The following RAD54B variants were observed in gnomAD, a reference collection of about 807,000 sequenced individuals.
RAD54B encodes the protein DNA repair and recombination protein RAD54B.
A neutral mutation model predicts 95.8 loss-of-function variants in RAD54B; 78 were observed. That is an observed-to-expected ratio of 0.81 (90% CI 0.68 to 0.98). RAD54B has a LOEUF of 0.98. Among genes scored for constraint, RAD54B ranks in the 50% least tolerant of loss-of-function variants. The probability of loss-of-function intolerance (pLI) is 0.00; values close to 1 mark genes in which losing one functional copy is unlikely to be tolerated. For synonymous variants in RAD54B, 328 were observed against 354.9 expected, an observed-to-expected ratio of 0.92 and a Z score of 0.85; for missense variants, 957 against 1,056.6, an observed-to-expected ratio of 0.91 and a Z score of 1.31.
Position 94,393,838 on chromosome 8 carries a change from C to T in RAD54B, c.1423G>A (p.Asp475Asn). 1 of 1,600,646 alleles carries T rather than the reference C, an allele frequency of 6.2e-7. No homozygotes were observed. The highest frequency in any genetic ancestry group is 2.2e-5 in the East Asian group (1 of 44,654). Residue 475 changes from aspartate to asparagine, a missense_variant, in exon 9 of 15, where the codon GAT (aspartate) becomes AAT (asparagine). Physicochemically the swap from Asp to Asn is conservative, Grantham distance 23. Coordinates refer to ENST00000336148, the MANE Select transcript of RAD54B (RefSeq NM_012415.3). ...NDLQEFFALIDFVNPGILGSL... is the reference protein window; with the variant it reads ...NDLQEFFALINFVNPGILGSL... Reference sequence around the variant, plus strand: ...CCTAATATTCCTGGATTTACAAAATCAATTAATGCAAAAAATTCTTGCAGA... The same window carrying T: ...CCTAATATTCCTGGATTTACAAAATTAATTAATGCAAAAAATTCTTGCAGA...
chr8:94,429,147 A>T, intron 3 of RAD54B: 1 of 974,138 alleles, frequency 1.0e-6, no homozygotes, highest in African/African-American at 1.8e-5. Flanking sequence ...GTGTTTAAAA[A>T]TATGTAAAAA....
intron 8 of RAD54B, among the ~76,000 whole-genome samples, chr8:94,398,097 T>G (rs1004461584): frequency 1.3e-5 from 2 of 152,116 alleles, no homozygotes; most frequent in African/African-American, 4.8e-5. Context: ...AACACTAGTT[T>G]TCCTATTCTT....
intron 3 of RAD54B, among the ~76,000 whole-genome samples, chr8:94,419,689 T>G (rs1811755657): frequency 7.5e-6 from 1 of 133,636 alleles, no homozygotes. Context: ...TACAATATTT[T>G]AAATAAACCC....
intron 3 of RAD54B, among the ~76,000 whole-genome samples, chr8:94,442,493 T>C (rs1313513256): frequency 1.3e-5 from 2 of 148,420 alleles, no homozygotes; most frequent in East Asian, 4.0e-4. Flanking sequence ...GAGAATGGCG[T>C]GAACCCGGGA....
chr8:94,380,249 TAAAAA>T lies in RAD54B; in HGVS notation c.2138_2142del (p.Phe713TyrfsTer14), dbSNP rs760119495. The T allele has an allele frequency of 3.1e-6, 5 of 1,613,672 alleles. No individual in the cohort carries two copies. In the Admixed American group the frequency reaches 8.3e-5, roughly 27 times the overall value. Reference sequence around the variant, plus strand: ...CCAGCTTTTGAACTTAACAAAAAAATAAAAAAAGAAGAGTGTTGACTGTTAAAGCC... The same window carrying T: ...CCAGCTTTTGAACTTAACAAAAAAATAAGAAGAGTGTTGACTGTTAAAGCC... On this transcript the variant is annotated frameshift_variant, in exon 12 of 15. Transcript: ENST00000336148. LOFTEE classifies it high-confidence loss of function.
rs1188627811 is a variant in RAD54B, at chr8:94,400,258, T to C, written c.1150A>G (p.Lys384Glu). The C allele has an allele frequency of 2.7e-5, 43 of 1,613,388 alleles. No homozygotes were observed. Among genetic ancestry groups the C allele is most frequent in the Non-Finnish European group, 3.5e-5 (41 of 1,179,438 alleles). ...CTTACCTGATCAACAGTAAATATCT[T>C]GATCCTTTCACTTCCTAGCCATTTT... ...FQKWLGSERI[K>E]IFTVDQDHKV... is the part of the protein sequence containing the mutation. Residue 384 changes from lysine (K) to glutamate (E), a missense_variant, in exon 7 of 15, where the codon AAG becomes GAG. Transcript: ENST00000336148.
intron 3 of RAD54B, chr8:94,427,759 GCATTTAACCAT>G: frequency 1.0e-6 from 1 of 970,650 alleles, no homozygotes; most frequent in Non-Finnish European, 1.2e-6. Flanking sequence ...TGTTAACAAA[GCATTTAACCAT>G]CATTATCTAC....
intron 1 of RAD54B, among the ~76,000 whole-genome samples, chr8:94,469,113 T>TA (rs1422971160): frequency 6.8e-6 from 1 of 146,430 alleles, no homozygotes; most frequent in South Asian, 2.2e-4. Flanking sequence ...TTTTTTTTTT[T>TA]AATAAAAAAA....
chr8:94,449,264 C>A (rs184944313), intron 3 of RAD54B, among the ~76,000 whole-genome samples: 137 of 147,940 alleles, frequency 9.3e-4, no homozygotes, highest in African/African-American at 3.3e-3. Flanking sequence ...ATATCCATAT[C>A]ATCAGGTTGT....
intron 3 of RAD54B, chr8:94,429,794 C>G (rs1401384435): frequency 3.0e-6 from 3 of 985,210 alleles, no homozygotes; most frequent in Non-Finnish European, 3.6e-6. Flanking sequence ...AAAACACCCT[C>G]TTTTTAATCC....
At chr8:94,429,453 A>G in intron 3 of RAD54B, 2 of 961,466 alleles carry the variant, frequency 2.1e-6, no homozygotes, top group Non-Finnish European at 2.5e-6. Flanking sequence ...TCCACAGAAC[A>G]CACTTGGGAA....
At chr8:94,435,621 T>C (rs1448086004) in intron 3 of RAD54B, among the ~76,000 whole-genome samples, 1 of 152,126 alleles carries the variant, frequency 6.6e-6, no homozygotes, top group East Asian at 1.9e-4. Flanking sequence ...GGTTACAATC[T>C]GAATTAGTGG....
intron 7 of RAD54B, 108 bp from the exon 8 acceptor site, chr8:94,399,729 C>T (rs1282561145): frequency 1.5e-6 from 2 of 1,371,994 alleles, no homozygotes; most frequent in Non-Finnish European, 1.9e-6. Flanking sequence ...AATGTGTTAA[C>T]TCTTTCTGTC....
At chr8:94,463,246 G>A (rs1812947615) in intron 2 of RAD54B, among the ~76,000 whole-genome samples, 1 of 149,658 alleles carries the variant, frequency 6.7e-6, no homozygotes, top group East Asian at 1.9e-4. Flanking sequence ...TCTAGCCTGG[G>A]CAACAGAGCG....
chr8:94,408,550 T>A (rs1350745332), intron 4 of RAD54B, among the ~76,000 whole-genome samples: 1 of 152,168 alleles, frequency 6.6e-6, no homozygotes. Flanking sequence ...TGATGACCCT[T>A]TTCAAGTAGT....
chr8:94,470,588 T>G (rs10105901), intron 1 of RAD54B, among the ~76,000 whole-genome samples: 1 of 127,572 alleles, frequency 7.8e-6, no homozygotes, highest in Non-Finnish European at 1.7e-5. Flanking sequence ...AGAGCGAAAC[T>G]TCGTCTAAAA....
At position 94,371,973 on chromosome 8, in the gene RAD54B, G is replaced by T; in HGVS notation, c.*197C>A. On this transcript the variant is annotated 3_prime_UTR_variant, in exon 15 of 15. Coordinates refer to ENST00000336148, the MANE Select transcript of RAD54B (RefSeq NM_012415.3). ...TATTAACAATTATACAATGATATAA[G>T]CACATCTTTATTTTTCATTTAAACA... The T allele has an allele frequency of 1.1e-6, 1 of 898,722 alleles. No individual in the cohort carries two copies. The highest frequency in any genetic ancestry group is 2.4e-5 in the South Asian group (1 of 42,122). 55.7% of individuals were successfully genotyped at this position (898,722 alleles called of 1,614,324 possible).
chr8:94,430,287 G>A (rs1449478565), intron 3 of RAD54B: 2 of 929,048 alleles, frequency 2.2e-6, no homozygotes, highest in African/African-American at 3.7e-5. Context: ...CTCCAACCTA[G>A]GTGACAAAGC....
At chr8:94,400,194 AG>A in intron 7 of RAD54B, 43 bp downstream of exon 7, 3 of 1,524,098 alleles carry the variant, frequency 2.0e-6, no homozygotes, top group Non-Finnish European at 2.7e-6. Flanking sequence ...TTGAAAAACT[AG>A]ATTTTTTTTA....
Sources: allele counts gnomAD v4.1 joint callset (sites outside exome capture counted in the v4.1 genomes callset), GRCh38; gene constraint gnomAD v4.1.1; transcripts MANE v1.5; gene names NCBI Gene and HGNC (gene_info 2026-07-23, HGNC 2026-07-21).